Variants in HTR3B observed in about 807,000 individuals in gnomAD.
HTR3B encodes 5-hydroxytryptamine (serotonin) receptor 3B, ionotropic.
In HTR3B, 44 loss-of-function variants were observed where a neutral mutation model predicts 42.8. The observed-to-expected ratio is 1.03, with a 90% CI of 0.81 to 1.32. The LOEUF (loss-of-function observed/expected upper bound fraction) is 1.32, where lower values mean the gene tolerates loss of function less well. Ranked by LOEUF, HTR3B falls within the 40% of genes most tolerant of loss-of-function variation. The pLI is 0.00. For synonymous variants in HTR3B, 203 were observed against 209.0 expected, an observed-to-expected ratio of 0.97 and a Z score of 0.25; for missense variants, 527 against 536.5, an observed-to-expected ratio of 0.98 and a Z score of 0.17.
Position 113,946,820 on chromosome 11 carries a change from G to A in HTR3B, c.*683G>A, listed in dbSNP as rs143163441. 1.3e-5 allele frequency among the ~76,000 whole-genome samples: 2 copies of A among 152,240 alleles called. No homozygotes were observed. Among genetic ancestry groups the A allele is most frequent in the East Asian group, 3.9e-4 (2 of 5,180 alleles). ...AGCTCCATCTTCCAGCCCTGCCTTG[G>A]CCATTTATTCAGTCACCCATTCAAC... On this transcript the variant is annotated 3_prime_UTR_variant, in exon 9 of 9. Coordinates refer to ENST00000260191, the MANE Select transcript of HTR3B (RefSeq NM_006028.5).
In HTR3B at chr11:113,947,055, C is replaced by T. The variant is rs1419395576; in HGVS notation, c.*918C>T. Among the ~76,000 whole-genome samples, 1 of 152,174 alleles carries T rather than the reference C, an allele frequency of 6.6e-6. No homozygotes were observed. Among genetic ancestry groups the T allele is most frequent in the African/African-American group, 2.4e-5 (1 of 41,442 alleles). On this transcript the variant is annotated 3_prime_UTR_variant, in exon 9 of 9. Transcript: ENST00000260191. ...TAAGTCCACTGCCTCCACCCTCTTC[C>T]TGTGCCCCTTCAGCAGTGCATCCCC...
the HTR3B span, among the ~76,000 whole-genome samples, chr11:113,899,105 G>A: frequency 6.6e-6 from 1 of 152,090 alleles, no homozygotes; most frequent in African/African-American, 2.4e-5. Context: ...TTGAAGGCCT[G>A]GGACCTTATA....
chr11:113,929,692 C>T (rs1214902167), intron 2 of HTR3B, among the ~76,000 whole-genome samples: 1 of 152,076 alleles, frequency 6.6e-6, no homozygotes, highest in Non-Finnish European at 1.5e-5. Flanking sequence ...TGTGTATCTA[C>T]TTTAGAGAGA....
At chr11:113,914,568 C>T (rs568507606) in intron 2 of HTR3B, among the ~76,000 whole-genome samples, 6 of 151,840 alleles carry the variant, frequency 4.0e-5, no homozygotes, top group South Asian at 2.1e-4. Flanking sequence ...CTGCAACCTC[C>T]GCCTCCTAGC....
chr11:113,909,576 C>A, intron 2 of HTR3B, 121 bp downstream of exon 2: 1 of 776,390 alleles, frequency 1.3e-6, no homozygotes, highest in Non-Finnish European at 2.0e-6. Context: ...AGGGAAGTTG[C>A]GCTAGATTCA....
chr11:113,918,662 A>T (rs1488620973), intron 2 of HTR3B, among the ~76,000 whole-genome samples: 45 of 129,954 alleles, frequency 3.5e-4, no homozygotes, highest in South Asian at 7.1e-4. Context: ...CAATCTATGC[A>T]TTTTTTTTTT....
intron 2 of HTR3B, among the ~76,000 whole-genome samples, chr11:113,929,294 G>A (rs1375706063): frequency 1.3e-5 from 2 of 152,100 alleles, no homozygotes; most frequent in Admixed American, 1.3e-4. Context: ...GGAAGTTTGG[G>A]CTGCCGTAAC....
chr11:113,905,039 G>A, intron 1 of HTR3B, 54 bp downstream of exon 1: 1 of 1,297,018 alleles, frequency 7.7e-7, no homozygotes, highest in Non-Finnish European at 1.1e-6. Flanking sequence ...TTAGAAGATA[G>A]AGACAATATT....
At chr11:113,941,563 A>G (rs1263589371) in intron 6 of HTR3B, among the ~76,000 whole-genome samples, 3 of 152,158 alleles carry the variant, frequency 2.0e-5, no homozygotes, top group East Asian at 3.8e-4. Context: ...GGCGGCCTCC[A>G]CTGAGACGCA....
Position 113,942,973 on chromosome 11 carries a change from C to T in HTR3B, c.697-9C>T, listed in dbSNP as rs1489199768. 6.2e-7 allele frequency: 1 copy of T among 1,613,382 alleles called. No individual in the cohort carries two copies. The highest frequency in any genetic ancestry group is 1.7e-5 in the Admixed American group (1 of 60,002). ...TCCTCTTTTCATCAGACCACTTGTT[C>T]CCGGCCAGGTGGTGATGCGCAGGCA... On this transcript the variant is annotated splice_polypyrimidine_tract_variant and intron_variant, in intron 6 of 8. Coordinates refer to ENST00000260191, the MANE Select transcript of HTR3B (RefSeq NM_006028.5).
At chr11:113,929,300 G>A (rs771972598) in intron 2 of HTR3B, among the ~76,000 whole-genome samples, 5 of 152,208 alleles carry the variant, frequency 3.3e-5, no homozygotes, top group Middle Eastern at 3.4e-3. Context: ...TTGGGCTGCC[G>A]TAACAAATAC....
At chr11:113,916,669 T>C (rs1000902928) in intron 2 of HTR3B, among the ~76,000 whole-genome samples, 3 of 152,246 alleles carry the variant, frequency 2.0e-5, no homozygotes, top group African/African-American at 7.2e-5. Flanking sequence ...TACTGAGTTA[T>C]CCAGTCCATA....
intron 1 of HTR3B, among the ~76,000 whole-genome samples, chr11:113,905,850 T>C (rs1279153182): frequency 1.3e-5 from 2 of 152,180 alleles, no homozygotes; most frequent in Non-Finnish European, 2.9e-5. Flanking sequence ...AAGCTGGAAA[T>C]GATTTTTTTA....
chr11:113,926,921 A>C (rs1028188278), intron 2 of HTR3B, among the ~76,000 whole-genome samples: 1 of 152,062 alleles, frequency 6.6e-6, no homozygotes, highest in Non-Finnish European at 1.5e-5. Flanking sequence ...AATATTTGTT[A>C]TTGTCTATCT....
At chr11:113,941,845 G>A (rs1950137477) in intron 6 of HTR3B, among the ~76,000 whole-genome samples, 1 of 152,162 alleles carries the variant, frequency 6.6e-6, no homozygotes, top group Non-Finnish European at 1.5e-5. Context: ...TCCAGCCCTT[G>A]ACTCCTTCAG....
rs539145522 is a variant in HTR3B, at chr11:113,943,131, C to A, written c.846C>A (p.Thr282=). The A allele has an allele frequency of 1.2e-6, 2 of 1,613,920 alleles. No individual in the cohort carries two copies. The highest frequency in any genetic ancestry group is 1.7e-6 in the Non-Finnish European group (2 of 1,180,034). ...VFKTSVLVGY[T]VFRVNMSNQV... The stretch of plus-strand genomic sequence containing the variant: ...AGACCAGTGTGCTGGTGGGCTACAC[C>A]GTCTTCAGGGTCAACATGTCCAACC... The change falls in exon 7 of 9, where the codon ACC becomes ACA. Residue 282 remains threonine, a synonymous_variant. Coordinates refer to ENST00000260191, the MANE Select transcript of HTR3B (RefSeq NM_006028.5).
chr11:113,904,644 C>T, upstream of HTR3B: 1 of 359,322 alleles, frequency 2.8e-6, no homozygotes, highest in Non-Finnish European at 5.1e-6. Flanking sequence ...ATTCACTTAG[C>T]TATCTCCTGT....
At chr11:113,923,722 G>C (rs562157138) in intron 2 of HTR3B, among the ~76,000 whole-genome samples, 2 of 152,076 alleles carry the variant, frequency 1.3e-5, no homozygotes, top group South Asian at 4.1e-4. Context: ...AAAACAGGGC[G>C]AGATACACAG....
intron 6 of HTR3B, among the ~76,000 whole-genome samples, chr11:113,942,323 G>A (rs1950142534): frequency 6.6e-6 from 1 of 152,136 alleles, no homozygotes; most frequent in South Asian, 2.1e-4. Flanking sequence ...AATAAGCCGG[G>A]CATGGTGGCA....
Sources: gnomAD v4.1 joint callset for allele counts (sites outside exome capture counted in the v4.1 genomes callset) on GRCh38, gnomAD v4.1.1 for gene constraint, MANE v1.5 for transcripts, NCBI Gene and HGNC (gene_info 2026-07-23, HGNC 2026-07-21) for gene names.